Variants in GRXCR1 observed in about 807,000 individuals in gnomAD.
GRXCR1 encodes the protein glutaredoxin and cysteine rich domain containing 1.
Under a neutral mutation model 27.3 loss-of-function variants are expected in GRXCR1, and 27 were observed. The ratio of observed to expected loss-of-function variants is 0.99; its 90% CI spans 0.73 to 1.37. The LOEUF (loss-of-function observed/expected upper bound fraction) is 1.37, where lower values mean the gene tolerates loss of function less well. GRXCR1 is among the 40% of genes most tolerant of loss of function. The pLI is 0.00. For synonymous variants in GRXCR1, 122 were observed against 131.1 expected (o/e 0.93, Z 0.47); for missense variants, 379 against 354.4 (o/e 1.07, Z -0.56).
chr4:42,926,631 G>GTT (rs538805560), intron 1 of GRXCR1, among the ~76,000 whole-genome samples: 3 of 141,616 alleles, frequency 2.1e-5, no homozygotes, highest in Admixed American at 7.2e-5. Context: ...ATTTCACATT[G>GTT]TTTTTTTTTT....
intron 3 of GRXCR1, among the ~76,000 whole-genome samples, chr4:43,029,123 A>T (rs2109811779): frequency 6.6e-6 from 1 of 152,274 alleles, no homozygotes; most frequent in African/African-American, 2.4e-5. Context: ...AGTACATCCC[A>T]CAGGTTACTA....
chr4:42,923,610 G>A (rs939872714), intron 1 of GRXCR1, among the ~76,000 whole-genome samples: 1 of 152,056 alleles, frequency 6.6e-6, no homozygotes, highest in Non-Finnish European at 1.5e-5. Context: ...CCACATCCAA[G>A]TTAACAATTT....
At chr4:42,914,192 T>G (rs1746833346) in intron 1 of GRXCR1, among the ~76,000 whole-genome samples, 1 of 151,980 alleles carries the variant, frequency 6.6e-6, no homozygotes, top group South Asian at 2.1e-4. Context: ...ATCCCTAGAG[T>G]GATAGATCCA....
intron 2 of GRXCR1, among the ~76,000 whole-genome samples, chr4:43,000,391 G>C (rs1384255271): frequency 6.7e-6 from 1 of 150,082 alleles, no homozygotes; most frequent in African/African-American, 2.5e-5. Context: ...CAGAAGAATC[G>C]CTTGAACCAG....
chr4:42,909,037 A>T lies in GRXCR1; in HGVS notation c.384+15387A>T, dbSNP rs371470063. ...AAACAAGACATAGGGTTTATTGAGG[A>T]CTTACATGCGGGGATGCCCCAGTGG... On this transcript the variant is annotated intron_variant, in intron 1 of 3. Transcript: ENST00000399770. Among the ~76,000 whole-genome samples the T allele has an allele frequency of 4.3e-4, 65 of 152,286 alleles. 2 individuals are homozygous for T. In the South Asian group the frequency reaches 9.7e-3, roughly 23 times the overall value.
intron 2 of GRXCR1, among the ~76,000 whole-genome samples, chr4:42,971,100 T>C (rs1483117304): frequency 6.6e-6 from 1 of 152,038 alleles, no homozygotes; most frequent in Non-Finnish European, 1.5e-5. Flanking sequence ...CTCTTTGCTA[T>C]AGAGTGACCT....
At chr4:42,985,246 A>G (rs1451178934) in intron 2 of GRXCR1, among the ~76,000 whole-genome samples, 1 of 152,208 alleles carries the variant, frequency 6.6e-6, no homozygotes, top group Admixed American at 6.5e-5. Context: ...CTTCTCTCCT[A>G]TATTTAAAAT....
chr4:43,003,047 C>T (rs1712427803), intron 2 of GRXCR1, among the ~76,000 whole-genome samples: 1 of 152,170 alleles, frequency 6.6e-6, no homozygotes, highest in Admixed American at 6.5e-5. Flanking sequence ...CCTGTCTCTC[C>T]TGCCACCACA....
At chr4:43,018,725 A>C (rs142600404) in intron 2 of GRXCR1, among the ~76,000 whole-genome samples, 1 of 152,192 alleles carries the variant, frequency 6.6e-6, no homozygotes, top group African/African-American at 2.4e-5. Flanking sequence ...TCATGTATCA[A>C]ATTCCCCAGA....
intron 2 of GRXCR1, among the ~76,000 whole-genome samples, chr4:42,981,422 G>A (rs1748665619): frequency 6.6e-6 from 1 of 152,032 alleles, no homozygotes; most frequent in South Asian, 2.1e-4. Context: ...TAGCTTTTAT[G>A]AATTTCAATA....
chr4:42,978,924 A>T (rs1444812495), intron 2 of GRXCR1, among the ~76,000 whole-genome samples: 1 of 151,828 alleles, frequency 6.6e-6, no homozygotes, highest in Non-Finnish European at 1.5e-5. Flanking sequence ...ACGAGATCTG[A>T]TGGTTTTGTA....
intron 1 of GRXCR1, among the ~76,000 whole-genome samples, chr4:42,947,588 T>A (rs1747777713): frequency 6.6e-6 from 1 of 152,178 alleles, no homozygotes; most frequent in Non-Finnish European, 1.5e-5. Flanking sequence ...TAATGAGACT[T>A]ATTATTTTGT....
At chr4:42,927,552 A>G (rs10004430) in intron 1 of GRXCR1, among the ~76,000 whole-genome samples, 1,921 of 152,156 alleles carry the variant, frequency 0.013, 48 homozygotes, top group African/African-American at 0.044. Context: ...GGTGTTTAAA[A>G]TTCAATTCTT....
chr4:42,913,466 A>AG (rs1361827194), intron 1 of GRXCR1, among the ~76,000 whole-genome samples: 5 of 152,170 alleles, frequency 3.3e-5, no homozygotes, highest in Admixed American at 3.3e-4. Flanking sequence ...TGTGCTCTAG[A>AG]GATCTGTGGA....
chr4:42,912,193 G>T (rs1001221353), intron 1 of GRXCR1, among the ~76,000 whole-genome samples: 9 of 152,156 alleles, frequency 5.9e-5, no homozygotes, highest in African/African-American at 2.2e-4. Flanking sequence ...CAAGAGTCAT[G>T]GGGATTTGAG....
intron 1 of GRXCR1, among the ~76,000 whole-genome samples, chr4:42,929,717 A>G (rs977747677): frequency 2.6e-5 from 4 of 151,898 alleles, no homozygotes; most frequent in Non-Finnish European, 4.4e-5. Flanking sequence ...GTAGTATTCA[A>G]ATAGAATGAC....
chr4:42,960,882 T>A (rs1748116371), intron 1 of GRXCR1, among the ~76,000 whole-genome samples: 1 of 151,882 alleles, frequency 6.6e-6, no homozygotes, highest in African/African-American at 2.4e-5. Context: ...ATGTGCAGGA[T>A]GTGCAAGTTT....
chr4:43,000,022 A>G (rs899203430), intron 2 of GRXCR1, among the ~76,000 whole-genome samples: 1 of 152,238 alleles, frequency 6.6e-6, no homozygotes, highest in African/African-American at 2.4e-5. Flanking sequence ...AAAACATTAA[A>G]TGGAAAATTC....
At chr4:42,950,959 A>C (rs1203906772) in intron 1 of GRXCR1, among the ~76,000 whole-genome samples, 1 of 152,062 alleles carries the variant, frequency 6.6e-6, no homozygotes, top group Non-Finnish European at 1.5e-5. Context: ...ATCTATATCT[A>C]GGAAGAGATT....
Sources: allele counts gnomAD v4.1 joint callset (sites outside exome capture counted in the v4.1 genomes callset), GRCh38; gene constraint gnomAD v4.1.1; transcripts MANE v1.5; gene names NCBI Gene and HGNC (gene_info 2026-07-23, HGNC 2026-07-21).